The following AFG1L variants were observed in gnomAD, a reference collection of about 807,000 sequenced individuals.
AFG1L encodes AFG1-like ATPase.
Under a neutral mutation model 62.2 loss-of-function variants are expected in AFG1L, and 53 were observed. That is an observed-to-expected ratio of 0.85 (90% CI 0.68 to 1.07). The LOEUF (loss-of-function observed/expected upper bound fraction) is 1.07, where lower values mean the gene tolerates loss of function less well. AFG1L is among the 50% of genes least tolerant of loss of function. The probability of loss-of-function intolerance (pLI) is 0.00; values close to 1 mark genes in which losing one functional copy is unlikely to be tolerated. For synonymous variants in AFG1L, 228 were observed against 210.3 expected, an observed-to-expected ratio of 1.08 and a Z score of -0.73; for missense variants, 555 against 590.5, an observed-to-expected ratio of 0.94 and a Z score of 0.62.
chr6:108,341,442 T>C (rs1778679224), intron 2 of AFG1L, among the ~76,000 whole-genome samples: 1 of 152,172 alleles, frequency 6.6e-6, no homozygotes, highest in Non-Finnish European at 1.5e-5. Flanking sequence ...CAGGTATTGG[T>C]AAGCACATTA....
chr6:108,403,067 A>G (rs1436554602), intron 7 of AFG1L, among the ~76,000 whole-genome samples: 2 of 152,152 alleles, frequency 1.3e-5, no homozygotes, highest in Non-Finnish European at 2.9e-5. Flanking sequence ...AGAACCTACT[A>G]TGTACAATGT....
intron 11 of AFG1L, among the ~76,000 whole-genome samples, chr6:108,515,381 G>A (rs1562207252): frequency 6.6e-6 from 1 of 152,114 alleles, no homozygotes; most frequent in East Asian, 1.9e-4. Flanking sequence ...AAACTGAACA[G>A]CCTGCTCCTG....
At position 108,378,888 on chromosome 6, in the gene AFG1L, C is replaced by T. The variant is rs145091853; in HGVS notation, c.748+12556C>T. 1.7e-3 allele frequency among the ~76,000 whole-genome samples: 255 copies of T among 151,208 alleles called. 2 individuals are homozygous for T. The highest frequency in any genetic ancestry group is 0.015 in the East Asian group (75 of 5,164). ...TTATTATTAATTCTTCTTTCCTTTC[C>T]CTTTTCCCTGCTTGCCTAGGGGATG... is the stretch of plus-strand genomic sequence containing the variant. On this transcript the variant is annotated intron_variant, in intron 6 of 12. Transcript: ENST00000368977.
intron 7 of AFG1L, among the ~76,000 whole-genome samples, chr6:108,406,442 CTGAT>C (rs1299229855): frequency 7.3e-5 from 11 of 151,466 alleles, no homozygotes; most frequent in East Asian, 1.9e-4. Context: ...TATTGATTGA[CTGAT>C]TGATTGACTG....
chr6:108,393,431 A>C (rs1781147201), intron 6 of AFG1L, among the ~76,000 whole-genome samples: 1 of 152,094 alleles, frequency 6.6e-6, no homozygotes, highest in Non-Finnish European at 1.5e-5. Context: ...TTCTGTTTAG[A>C]ATACATTTCT....
At chr6:108,521,411 A>G (rs1775119816) in intron 12 of AFG1L, 1 of 152,362 alleles carries the variant, frequency 6.6e-6, no homozygotes, top group East Asian at 1.9e-4. Flanking sequence ...AGGCAGGAAG[A>G]TCACTTGAAC....
intron 7 of AFG1L, among the ~76,000 whole-genome samples, chr6:108,415,235 A>G (rs529173855): frequency 2.2e-3 from 329 of 152,340 alleles, no homozygotes; most frequent in African/African-American, 7.3e-3. Flanking sequence ...GACCTCTTCA[A>G]GGAGAACTGC....
intron 4 of AFG1L, 78 bp downstream of exon 4, chr6:108,355,833 T>C (rs759461598): frequency 9.4e-6 from 9 of 957,822 alleles, no homozygotes; most frequent in East Asian, 2.5e-5. Flanking sequence ...AATGAACATA[T>C]ACTCTTTAAA....
Position 108,371,020 on chromosome 6 carries a change from G to A in AFG1L, c.748+4688G>A, listed in dbSNP as rs1779979472. On this transcript the variant is annotated intron_variant, in intron 6 of 12. Coordinates refer to ENST00000368977, the MANE Select transcript of AFG1L (RefSeq NM_145315.5). ...AAGTCATACTTGAGGCGGGTGGAGGGAATAAGGTACCAAAGACTGCTTTCC... is the reference window on the plus strand; with the variant it reads ...AAGTCATACTTGAGGCGGGTGGAGGAAATAAGGTACCAAAGACTGCTTTCC... 2.0e-5 allele frequency among the ~76,000 whole-genome samples: 3 copies of A among 152,186 alleles called. No individual in the cohort carries two copies. The South Asian group carries it at 6.2e-4, about 32-fold the overall frequency.
chr6:108,429,281 C>T (rs1396657291), intron 7 of AFG1L, among the ~76,000 whole-genome samples: 2 of 152,156 alleles, frequency 1.3e-5, no homozygotes, highest in African/African-American at 2.4e-5. Flanking sequence ...CTCACACTTC[C>T]ACATGACTGG....
In AFG1L at chr6:108,519,692, T is replaced by G. The variant is rs766959132; in HGVS notation, c.1204-5T>G. 7.3e-6 allele frequency: 11 copies of G among 1,507,586 alleles called. No individual in the cohort carries two copies. In the Middle Eastern group the frequency reaches 5.1e-4, roughly 70 times the overall value. 93.4% of individuals were successfully genotyped at this position (1,507,586 alleles called of 1,614,324 possible). On this transcript the variant is annotated splice_polypyrimidine_tract_variant and splice_region_variant and intron_variant, in intron 11 of 12. Transcript: ENST00000368977. Reference sequence around the variant, plus strand: ...AACACATTTACCCATTTTCTTCTATTTCAGGTGCGTATAATTTGCTCTGCG... The same window carrying G: ...AACACATTTACCCATTTTCTTCTATGTCAGGTGCGTATAATTTGCTCTGCG...
intron 2 of AFG1L, among the ~76,000 whole-genome samples, chr6:108,329,559 A>G (rs1017757605): frequency 6.6e-6 from 1 of 152,156 alleles, no homozygotes; most frequent in African/African-American, 2.4e-5. Context: ...TTGGCCTCCC[A>G]AAGTGCTGGG....
intron 7 of AFG1L, among the ~76,000 whole-genome samples, chr6:108,430,194 C>T (rs940667418): frequency 1.3e-5 from 2 of 152,072 alleles, no homozygotes; most frequent in Admixed American, 6.6e-5. Context: ...ATGTTCCACC[C>T]GCCTTGGCCT....
intron 7 of AFG1L, among the ~76,000 whole-genome samples, chr6:108,444,799 C>T (rs1034257589): frequency 6.6e-6 from 1 of 152,202 alleles, no homozygotes; most frequent in Non-Finnish European, 1.5e-5. Flanking sequence ...TTATAAAGCA[C>T]AGGCAGAGTA....
chr6:108,469,308 A>G (rs1772795188), intron 8 of AFG1L, among the ~76,000 whole-genome samples: 1 of 152,126 alleles, frequency 6.6e-6, no homozygotes, highest in Admixed American at 6.6e-5. Context: ...GATGCTGAAA[A>G]GGTACAGATT....
At chr6:108,484,333 G>A (rs1773441727) in intron 10 of AFG1L, among the ~76,000 whole-genome samples, 1 of 152,200 alleles carries the variant, frequency 6.6e-6, no homozygotes. Flanking sequence ...TGACAGGGAG[G>A]ACAGAAATGA....
intron 8 of AFG1L, among the ~76,000 whole-genome samples, chr6:108,449,644 A>C (rs1185146463): frequency 1.3e-5 from 2 of 152,060 alleles, no homozygotes; most frequent in East Asian, 3.9e-4. Context: ...GTACATGTGC[A>C]CAACCTGCAG....
intron 3 of AFG1L, among the ~76,000 whole-genome samples, chr6:108,355,156 G>T (rs1188643206): frequency 6.7e-6 from 1 of 150,020 alleles, no homozygotes; most frequent in African/African-American, 2.5e-5. Context: ...TCCCAGGCTG[G>T]TCTTGAACTC....
chr6:108,518,488 C>T lies in AFG1L; in HGVS notation c.1204-1209C>T, dbSNP rs566281106. Among the ~76,000 whole-genome samples, 19 of 105,056 alleles carry T rather than the reference C, an allele frequency of 1.8e-4. 1 individual carries two copies. Among genetic ancestry groups the T allele is most frequent in the African/African-American group, 5.1e-4 (13 of 25,668 alleles). 68.9% of individuals were successfully genotyped at this position (105,056 alleles called of 152,430 possible). A position where few individuals can be genotyped will look rare whatever the true frequency, so the allele number is the denominator to read the frequency against. On this transcript the variant is annotated intron_variant, in intron 11 of 12. Coordinates refer to ENST00000368977, the MANE Select transcript of AFG1L (RefSeq NM_145315.5). The stretch of plus-strand genomic sequence containing the variant: ...ACACATGAAGGGGAACTTCACACAC[C>T]GGGGCTTGTTGTGGGGTGGGGGGAG...
Sources: gnomAD v4.1 joint callset for allele counts (sites outside exome capture counted in the v4.1 genomes callset) on GRCh38, gnomAD v4.1.1 for gene constraint, MANE v1.5 for transcripts, NCBI Gene and HGNC (gene_info 2026-07-23, HGNC 2026-07-21) for gene names.